ZNG1B: variants seen among roughly 807,000 people sequenced by gnomAD.
ZNG1B encodes zinc-regulated GTPase metalloprotein activator 1B.
At chr2:113,453,127 A>G in the ZNG1B span, 4 of 1,577,666 alleles carry the variant, frequency 2.5e-6, no homozygotes, top group African/African-American at 1.4e-5. Flanking sequence ...GATGAATATT[A>G]TATATTTTCA....
chr2:113,453,288 G>C, the ZNG1B span: 2 of 1,568,712 alleles, frequency 1.3e-6, no homozygotes, highest in Non-Finnish European at 1.7e-6. Context: ...TTGTTGCCCA[G>C]ACTGGAGTGC....
At chr2:113,477,694 C>T in the ZNG1B span, among the ~76,000 whole-genome samples, 2 of 152,064 alleles carry the variant, frequency 1.3e-5, no homozygotes, top group African/African-American at 4.8e-5. Flanking sequence ...GAGATCTACC[C>T]TCTTAACAAT....
At chr2:113,475,278 G>T in the ZNG1B span, among the ~76,000 whole-genome samples, 10 of 151,332 alleles carry the variant, frequency 6.6e-5, no homozygotes, top group South Asian at 2.1e-4. Context: ...TTTGTTGGTT[G>T]AAAGTCTGTT....
chr2:113,450,792 TA>T, the ZNG1B span, among the ~76,000 whole-genome samples: 1 of 147,982 alleles, frequency 6.8e-6, no homozygotes, highest in Non-Finnish European at 1.5e-5. Flanking sequence ...GAAATATTTT[TA>T]ATACTCCACT....
chr2:113,446,898 C>T, the ZNG1B span, among the ~76,000 whole-genome samples: 2 of 151,932 alleles, frequency 1.3e-5, no homozygotes, highest in African/African-American at 4.8e-5. Context: ...ATGGCAGCCT[C>T]AGCCTCATCT....
the ZNG1B span, among the ~76,000 whole-genome samples, chr2:113,464,026 G>A: frequency 1.1e-4 from 16 of 151,008 alleles, no homozygotes; most frequent in African/African-American, 3.9e-4. Flanking sequence ...AACGTTTTTG[G>A]CATAAAAGGA....
chr2:113,472,917 T>C, the ZNG1B span, among the ~76,000 whole-genome samples: 5 of 151,134 alleles, frequency 3.3e-5, no homozygotes, highest in Admixed American at 6.6e-5. Context: ...AGTCAGGTAG[T>C]GTGATGCCTC....
At chr2:113,476,081 G>C in the ZNG1B span, among the ~76,000 whole-genome samples, 1 of 151,718 alleles carries the variant, frequency 6.6e-6, no homozygotes, top group African/African-American at 2.4e-5. Context: ...ATCCTGCAGA[G>C]TGTTTTCCAA....
At chr2:113,491,879 T>C in the ZNG1B span, among the ~76,000 whole-genome samples, 1 of 114,232 alleles carries the variant, frequency 8.8e-6, no homozygotes, top group South Asian at 3.3e-4. Context: ...AATAAACATA[T>C]GGAAAAATGC....
the ZNG1B span, chr2:113,495,100 G>A: frequency 1.4e-6 from 2 of 1,422,256 alleles, no homozygotes; most frequent in Non-Finnish European, 1.9e-6. Context: ...TTAATGTTCA[G>A]TCAATTCTCC....
At chr2:113,454,624 T>A in the ZNG1B span, 1 of 725,112 alleles carries the variant, frequency 1.4e-6, no homozygotes, top group East Asian at 2.9e-5. Flanking sequence ...ATTGTTTTAT[T>A]GAGTAGTATT....
At chr2:113,462,502 A>G in the ZNG1B span, 24 of 1,592,876 alleles carry the variant, frequency 1.5e-5, 1 homozygote, top group South Asian at 2.0e-4. Flanking sequence ...TAGGTACGAA[A>G]TGATAAGTGT....
At chr2:113,444,828 G>T in the ZNG1B span, 3 of 1,244,974 alleles carry the variant, frequency 2.4e-6, no homozygotes, top group Admixed American at 7.0e-5. Context: ...TTGTTAGAAG[G>T]TTAGAAGTGA....
At chr2:113,445,035 C>T in the ZNG1B span, 1 of 1,610,468 alleles carries the variant, frequency 6.2e-7, no homozygotes, top group African/African-American at 1.3e-5. Context: ...CTGTTAGAGA[C>T]CACTGGATTG....
At chr2:113,448,667 G>T in the ZNG1B span, among the ~76,000 whole-genome samples, 2 of 152,126 alleles carry the variant, frequency 1.3e-5, no homozygotes, top group Non-Finnish European at 1.5e-5. Context: ...CACTTTGGGA[G>T]GCCGAGGTGG....
At chr2:113,456,720 G>A in the ZNG1B span, among the ~76,000 whole-genome samples, 1 of 152,030 alleles carries the variant, frequency 6.6e-6, no homozygotes, top group Non-Finnish European at 1.5e-5. Context: ...ACACTGTCAG[G>A]ATAATGGAAA....
the ZNG1B span, among the ~76,000 whole-genome samples, chr2:113,477,176 T>G: frequency 6.6e-6 from 1 of 152,174 alleles, no homozygotes; most frequent in African/African-American, 2.4e-5. Flanking sequence ...CGAGACTCCG[T>G]GGGCGTGGGA....
the ZNG1B span, chr2:113,445,086 AT>A: frequency 6.9e-6 from 11 of 1,604,086 alleles, no homozygotes; most frequent in Admixed American, 1.7e-4. Context: ...TAACCAGAAT[AT>A]AGTTCTGTGA....
the ZNG1B span, among the ~76,000 whole-genome samples, chr2:113,442,726 C>G: frequency 6.6e-6 from 1 of 152,094 alleles, no homozygotes; most frequent in African/African-American, 2.4e-5. Flanking sequence ...GTAGCAACCT[C>G]TTTAGAAGCT....
Sources: gnomAD v4.1 joint callset for allele counts (sites outside exome capture counted in the v4.1 genomes callset) on GRCh38, gnomAD v4.1.1 for gene constraint, MANE v1.5 for transcripts, NCBI Gene and HGNC (gene_info 2026-07-23, HGNC 2026-07-21) for gene names.